Variants in OPRPN observed in about 807,000 individuals in gnomAD.
OPRPN encodes opiorphin prepropeptide.
A neutral mutation model predicts 2.2 loss-of-function variants in OPRPN; 1 was observed. The ratio of observed to expected loss-of-function variants is 0.45; its 90% CI spans 0.16 to 2.15. OPRPN has a LOEUF of 2.15. Ranked by LOEUF, OPRPN falls within the 30% of genes most tolerant of loss-of-function variation. OPRPN has a pLI of 0.28. For synonymous variants in OPRPN, 126 were observed against 111.5 expected, an observed-to-expected ratio of 1.13 and a Z score of -0.82; for missense variants, 306 against 297.3, an observed-to-expected ratio of 1.03 and a Z score of -0.21.
intron 2 of OPRPN, among the ~76,000 whole-genome samples, chr4:70,401,499 A>G (rs537889903): frequency 6.6e-6 from 1 of 152,184 alleles, no homozygotes; most frequent in African/African-American, 2.4e-5. Context: ...ATATTTGTAT[A>G]TTTACAATGT....
At chr4:70,401,778 G>A (rs1001831843) in intron 2 of OPRPN, among the ~76,000 whole-genome samples, 6 of 152,050 alleles carry the variant, frequency 3.9e-5, no homozygotes, top group Non-Finnish European at 7.4e-5. Context: ...CAAAGGTAAA[G>A]TATCTCATGG....
At chr4:70,398,511 T>G (rs1201606509) in intron 1 of OPRPN, among the ~76,000 whole-genome samples, 1 of 151,868 alleles carries the variant, frequency 6.6e-6, no homozygotes, top group Non-Finnish European at 1.5e-5. Context: ...CTTACATCAC[T>G]TTCAAGGCTA....
intron 2 of OPRPN, among the ~76,000 whole-genome samples, chr4:70,409,014 G>A (rs1733149783): frequency 6.6e-6 from 1 of 152,210 alleles, no homozygotes; most frequent in Non-Finnish European, 1.5e-5. Flanking sequence ...TTCCCAGATA[G>A]TCAACCTGGG....
chr4:70,409,813 C>G lies in OPRPN; in HGVS notation c.485C>G (p.Thr162Arg). The G allele has an allele frequency of 6.2e-7, 1 of 1,612,640 alleles. No homozygotes were observed. Among genetic ancestry groups the G allele is most frequent in the Non-Finnish European group, 8.5e-7 (1 of 1,179,122 alleles). The change falls in exon 3 of 3, where the codon ACA (threonine) becomes AGA (arginine). Residue 162 changes from threonine to arginine, a missense_variant. Coordinates refer to ENST00000399575, the MANE Select transcript of OPRPN (RefSeq NM_021225.5). ...TITTNPPTTA[T>R]ATTSTSTKPT... ...ACCACAAATCCCCCCACCACTGCAA[C>G]AGCAACCACCAGCACTTCCACAAAA... is the stretch of plus-strand genomic sequence containing the variant.
rs1425270470 is a variant in OPRPN at position 70,409,463 on chromosome 4, T to C, written c.135T>C (p.Val45=). 3 of 1,613,970 alleles carry C rather than the reference T, an allele frequency of 1.9e-6. No homozygotes were observed. Among genetic ancestry groups the C allele is most frequent in the Non-Finnish European group, 1.7e-6 (2 of 1,180,006 alleles). ...PPPPLYRPRW[V]PPSPPPPYDS... ...CTCCACTCTACAGGCCAAGATGGGT[T>C]CCACCAAGTCCCCCACCTCCCTATG... The change falls in exon 3 of 3, where the codon GTT becomes GTC. Residue 45 remains valine (V), a synonymous_variant. Transcript: ENST00000399575.
At chr4:70,409,237 C>G (rs1733156769) in intron 2 of OPRPN, 143 bp from the exon 3 acceptor site, 1 of 610,164 alleles carries the variant, frequency 1.6e-6, no homozygotes, top group African/African-American at 1.9e-5. Flanking sequence ...AAGTTATTTT[C>G]TCAGTGAAAT....
chr4:70,404,298 G>A (rs778638073), intron 2 of OPRPN, among the ~76,000 whole-genome samples: 7 of 151,714 alleles, frequency 4.6e-5, no homozygotes, highest in African/African-American at 7.3e-5. Context: ...CTTCAATGAC[G>A]ACTCCTTGTT....
At chr4:70,401,373 G>GCATT (rs1287121306) in intron 2 of OPRPN, among the ~76,000 whole-genome samples, 2 of 151,982 alleles carry the variant, frequency 1.3e-5, no homozygotes, top group Non-Finnish European at 2.9e-5. Flanking sequence ...ACAGTCTTAA[G>GCATT]CATTAGTCTA....
chr4:70,398,739 C>G (rs1400397310), intron 1 of OPRPN, among the ~76,000 whole-genome samples: 2 of 151,850 alleles, frequency 1.3e-5, no homozygotes, highest in African/African-American at 4.8e-5. Flanking sequence ...AGTAATAATA[C>G]TTCAGTAGAG....
intron 2 of OPRPN, 138 bp downstream of exon 2, chr4:70,399,474 CTTTCCT>C: frequency 1.5e-6 from 1 of 680,644 alleles, no homozygotes; most frequent in Non-Finnish European, 2.4e-6. Context: ...CTTGCTCTTA[CTTTCCT>C]TTTCCTTTCT....
chr4:70,409,409 A>G lies in OPRPN; in HGVS notation c.81A>G (p.Arg27=). 1 of 1,612,638 alleles carries G rather than the reference A, an allele frequency of 6.2e-7. No individual in the cohort carries two copies. The highest frequency in any genetic ancestry group is 8.5e-7 in the Non-Finnish European group (1 of 1,179,128). The part of the protein sequence containing the change: ...TPSESQRFSR[R]PYLPGQLPPP... The stretch of plus-strand genomic sequence containing the variant: ...GTGAGAGTCAAAGATTCTCCAGAAG[A>G]CCATATCTACCTGGCCAGCTGCCAC... Residue 27 remains arginine, a synonymous_variant, in exon 3 of 3, where the codon AGA becomes AGG. Coordinates refer to ENST00000399575, the MANE Select transcript of OPRPN (RefSeq NM_021225.5).
intron 2 of OPRPN, among the ~76,000 whole-genome samples, chr4:70,401,722 T>C (rs749476053): frequency 6.6e-6 from 1 of 152,114 alleles, no homozygotes; most frequent in East Asian, 1.9e-4. Context: ...TTGGATAGGC[T>C]ATATGAAGTA....
intron 2 of OPRPN, among the ~76,000 whole-genome samples, chr4:70,405,635 T>A (rs1577883834): frequency 6.6e-6 from 1 of 152,246 alleles, no homozygotes; most frequent in East Asian, 1.9e-4. Flanking sequence ...CAAACTTCCA[T>A]GACTTTTCAA....
At chr4:70,398,334 G>A (rs1339913847) in intron 1 of OPRPN, among the ~76,000 whole-genome samples, 4 of 151,884 alleles carry the variant, frequency 2.6e-5, no homozygotes, top group Admixed American at 6.6e-5. Context: ...ATGAGTAGAA[G>A]AGTCTTAAAA....
At chr4:70,402,992 T>C (rs1227172681) in intron 2 of OPRPN, among the ~76,000 whole-genome samples, 2 of 152,090 alleles carry the variant, frequency 1.3e-5, no homozygotes, top group Non-Finnish European at 2.9e-5. Context: ...CTTTAGTACA[T>C]GAAGTCAGTA....
intron 2 of OPRPN, among the ~76,000 whole-genome samples, chr4:70,400,987 G>T (rs1434722372): frequency 6.6e-6 from 1 of 151,984 alleles, no homozygotes; most frequent in Non-Finnish European, 1.5e-5. Context: ...TAGAGGAAAT[G>T]CTGTCTTTGA....
rs746284535 is a variant in OPRPN at position 70,409,842 on chromosome 4, A to G, written c.514A>G (p.Thr172Ala). ...TATTSTSTKP[T>A]MTISSSTVPI... ...AACCACCAGCACTTCCACAAAACCCACAATGACGATCAGCTCCTCAACAGT... is the reference window on the plus strand; with the variant it reads ...AACCACCAGCACTTCCACAAAACCCGCAATGACGATCAGCTCCTCAACAGT... Residue 172 changes from threonine to alanine, a missense_variant, in exon 3 of 3, where the codon ACA becomes GCA. Transcript: ENST00000399575. 1 of 1,612,634 alleles carries G rather than the reference A, an allele frequency of 6.2e-7. No individual in the cohort carries two copies. The highest frequency in any genetic ancestry group is 1.1e-5 in the South Asian group (1 of 90,916).
intron 2 of OPRPN, among the ~76,000 whole-genome samples, chr4:70,403,170 C>T (rs896268968): frequency 6.6e-6 from 1 of 152,094 alleles, no homozygotes; most frequent in South Asian, 2.1e-4. Context: ...TAAACATGAC[C>T]TCTAACTTCA....
intron 2 of OPRPN, among the ~76,000 whole-genome samples, chr4:70,404,243 A>T (rs1221276035): frequency 6.6e-6 from 1 of 152,104 alleles, no homozygotes; most frequent in Admixed American, 6.6e-5. Context: ...CTACTTAAAG[A>T]GTTTTTTCTT....
Sources: gnomAD v4.1 joint callset for allele counts (sites outside exome capture counted in the v4.1 genomes callset) on GRCh38, gnomAD v4.1.1 for gene constraint, MANE v1.5 for transcripts, NCBI Gene and HGNC (gene_info 2026-07-23, HGNC 2026-07-21) for gene names.